Variants in PLEC observed in about 807,000 individuals in gnomAD.
PLEC encodes plectin, also known as hemidesmosomal protein 1.
A neutral mutation model predicts 392.8 loss-of-function variants in PLEC; 216 were observed. The ratio of observed to expected loss-of-function variants is 0.55; its 90% CI spans 0.49 to 0.62. PLEC has a LOEUF of 0.62. Ranked by LOEUF, PLEC falls within the 20% of genes least tolerant of loss-of-function variation. The pLI is 0.00. For synonymous variants in PLEC, 3,621 were observed against 2,980.6 expected, an observed-to-expected ratio of 1.21 and a Z score of -7.00; for missense variants, 6,863 against 6,563.4, an observed-to-expected ratio of 1.05 and a Z score of -1.58.
At chr8:143,926,381 T>G (rs1407035446) in intron 30 of PLEC, among the ~76,000 whole-genome samples, 3 of 151,790 alleles carry the variant, frequency 2.0e-5, no homozygotes, top group Non-Finnish European at 4.4e-5. Flanking sequence ...ACGCAGAAGG[T>G]AGGGAGAAGC....
intron 1 of PLEC, chr8:143,945,278 C>T (rs1554731571): frequency 2.1e-6 from 1 of 473,114 alleles, no homozygotes; most frequent in Non-Finnish European, 4.3e-6. Flanking sequence ...CACAGCCTCT[C>T]CTGGGGTCCC....
rs201404741 is a variant in PLEC at position 143,927,955 on chromosome 8, C to G, written c.3298G>C (p.Gly1100Arg). The change falls in exon 26 of 32, where the codon GGG (glycine) becomes CGG (arginine). Residue 1100 changes from glycine (G) to arginine (R), a missense_variant. Physicochemically the swap from Gly to Arg is moderately radical, Grantham distance 125. Coordinates refer to ENST00000345136, the MANE Select transcript of PLEC (RefSeq NM_201384.3). ...TGGGCCCTGAGCACCTCCTCGGCCC[C>G]CTGCGTGCCGCGGATCACCAGGCTG... ...TISLVIRGTQ[G>R]AEEVLRAHEE... 82 of 1,601,686 alleles carry G rather than the reference C, an allele frequency of 5.1e-5. No individual in the cohort carries two copies. In the African/African-American group the frequency reaches 6.8e-4, roughly 13 times the overall value.
chr8:143,924,055 C>A lies in PLEC; in HGVS notation c.5874G>T (p.Thr1958=). 6.3e-7 allele frequency: 1 copy of A among 1,596,912 alleles called. No individual in the cohort carries two copies. Among genetic ancestry groups the A allele is most frequent in the Non-Finnish European group, 8.5e-7 (1 of 1,178,674 alleles). The change falls in exon 31 of 32, where the codon ACG becomes ACT. Residue 1958 remains threonine, a synonymous_variant. Coordinates refer to ENST00000345136, the MANE Select transcript of PLEC (RefSeq NM_201384.3). Reference sequence around the variant, plus strand: ...GCTCGGCCTGCTCCTTGCTGCGCAGCGTGTCCTCCGCGTTGCTGCGGATGC... The same window carrying A: ...GCTCGGCCTGCTCCTTGCTGCGCAGAGTGTCCTCCGCGTTGCTGCGGATGC... ...LGRIRSNAED[T]LRSKEQAELE... is the part of the protein sequence containing the mutation.
In PLEC at chr8:143,934,637, C is replaced by T. The variant is rs1554721079; in HGVS notation, c.1039G>A (p.Glu347Lys). Residue 347 changes from glutamate (E) to lysine (K), a missense_variant and splice_region_variant, in exon 10 of 32, where the codon GAG becomes AAG. Physicochemically the swap from Glu to Lys is moderately conservative, Grantham distance 56. Transcript: ENST00000345136. Reference sequence around the variant, plus strand: ...ACCCCTCCAGCGGTCCCACTCACCTCCAGGGATTGGTAGATGCCCTTGGAC... The same window carrying T: ...ACCCCTCCAGCGGTCCCACTCACCTTCAGGGATTGGTAGATGCCCTTGGAC... ...NRSKGIYQSL[E>K]GAVQAGQLKV... The T allele has an allele frequency of 1.2e-6, 2 of 1,613,046 alleles. No homozygotes were observed. The highest frequency in any genetic ancestry group is 1.7e-6 in the Non-Finnish European group (2 of 1,179,794).
chr8:143,936,061 C>T lies in PLEC; in HGVS notation c.436-47G>A, dbSNP rs6981131. The T allele has an allele frequency of 2.5e-6, 4 of 1,601,548 alleles. No homozygotes were observed. In the South Asian group the frequency reaches 4.4e-5, roughly 18 times the overall value. ...CCACAGCTCAGCCACAGCCACCAGG[C>T]CTGCTCTGTGCCCACAGCCACATGC... is the stretch of plus-strand genomic sequence containing the variant. On this transcript the variant is annotated intron_variant, in intron 5 of 31. Coordinates refer to ENST00000345136, the MANE Select transcript of PLEC (RefSeq NM_201384.3).
rs782690046 is a variant in PLEC at position 143,921,666 on chromosome 8, GC to G, written c.8154del (p.Arg2718SerfsTer4). 1 of 1,613,184 alleles carries G rather than the reference GC, an allele frequency of 6.2e-7. No homozygotes were observed. The highest frequency in any genetic ancestry group is 8.5e-7 in the Non-Finnish European group (1 of 1,179,934). On this transcript the variant is annotated frameshift_variant, in exon 32 of 32. Coordinates refer to ENST00000345136, the MANE Select transcript of PLEC (RefSeq NM_201384.3). LOFTEE classifies it low-confidence loss of function (END_TRUNC). ...EKLSVYAALQ[R>X]QLLSPGTALI... ...AGGGCCGTGCCGGGACTCAGCAGCT[GC>G]CTCTGCAGGGCGGCGTAAACACTCA...
chr8:143,939,748 G>C (rs558075071), upstream of PLEC, among the ~76,000 whole-genome samples: 1 of 152,172 alleles, frequency 6.6e-6, no homozygotes, highest in South Asian at 2.1e-4. Flanking sequence ...CCCTCGGCCC[G>C]CCAGAAACAG....
rs558896444 is a variant in PLEC at position 143,967,327 on chromosome 8, C to A, written c.70+6076G>T. 3.5e-4 allele frequency among the ~76,000 whole-genome samples: 43 copies of A among 122,058 alleles called. No homozygotes were observed. In the Admixed American group the frequency reaches 3.8e-3, roughly 11 times the overall value. 80.1% of individuals were successfully genotyped at this position (122,058 alleles called of 152,430 possible). ...GCAGTGAGCCGAGATCGCGCCACTG[C>A]ATTCCAGCCTGGGCAACAGAGCGAG... On this transcript the variant is annotated intron_variant, in intron 1 of 31. Coordinates refer to the PLEC transcript ENST00000356346.
In PLEC at chr8:143,923,200, G is replaced by A. The variant is rs368880818; in HGVS notation, c.6729C>T (p.Leu2243=). The A allele has an allele frequency of 8.9e-5, 142 of 1,602,670 alleles. No individual in the cohort carries two copies. Among genetic ancestry groups the A allele is most frequent in the Middle Eastern group, 8.2e-4 (5 of 6,084 alleles). ...GGTTCTCAGCCTCGATGCGTGCCTT[G>A]AGCTTGCTCAGCTCCTCCATCTGCA... ...VRVQMEELSK[L]KARIEAENRA... The change falls in exon 31 of 32, where the codon CTC becomes CTT. Residue 2243 remains leucine (L), a synonymous_variant. Coordinates refer to ENST00000345136, the MANE Select transcript of PLEC (RefSeq NM_201384.3).
rs898634177 is a variant in PLEC at position 143,931,613 on chromosome 8, T to G, written c.2225A>C (p.Gln742Pro). The G allele has an allele frequency of 3.0e-5, 48 of 1,600,650 alleles. No individual in the cohort carries two copies. The highest frequency in any genetic ancestry group is 3.9e-5 in the Non-Finnish European group (46 of 1,174,286). Residue 742 changes from glutamine to proline, a missense_variant, in exon 19 of 32, where the codon CAG (glutamine) becomes CCG (proline). Coordinates refer to ENST00000345136, the MANE Select transcript of PLEC (RefSeq NM_201384.3). The stretch of plus-strand genomic sequence containing the variant: ...ACTGTATTTCCTACGCAGTGCCTCC[T>G]GCAGCTTCTGCAACTGCCCCTCGGC... The part of the protein sequence containing the change: ...REAEGQLQKL[Q>P]EALRRKYSCD...
At position 143,930,291 on chromosome 8, in the gene PLEC, A is replaced by G; in HGVS notation, c.2465T>C (p.Val822Ala). Residue 822 changes from valine to alanine, a missense_variant, in exon 21 of 32, where the codon GTG becomes GCG. Physicochemically the swap from Val to Ala is moderately conservative, Grantham distance 64. Transcript: ENST00000345136. ...CAGCTGGCACTCGTCACCCTTGTGC[A>G]CAGTCACCTGGGACGGGCAGAGTCG... ...VCDYKQVEVT[V>A]HKGDECQLVG... The G allele has an allele frequency of 6.2e-7, 1 of 1,602,926 alleles. No homozygotes were observed. The highest frequency in any genetic ancestry group is 8.5e-7 in the Non-Finnish European group (1 of 1,178,604).
rs908478191 is a variant in PLEC at position 143,921,393 on chromosome 8, T to C, written c.8428A>G (p.Ile2810Val). 1 of 1,613,392 alleles carries C rather than the reference T, an allele frequency of 6.2e-7. No homozygotes were observed. Among genetic ancestry groups the C allele is most frequent in the Non-Finnish European group, 8.5e-7 (1 of 1,179,800 alleles). ...EHGIRLLEAQIATGGVIDPVH... is the reference protein window; with the variant it reads ...EHGIRLLEAQVATGGVIDPVH... ...GGGTCGATAACGCCGCCCGTGGCGATCTGGGCCTCCAGCAGGCGGATGCCG... is the reference window on the plus strand; with the variant it reads ...GGGTCGATAACGCCGCCCGTGGCGACCTGGGCCTCCAGCAGGCGGATGCCG... The change falls in exon 32 of 32, where the codon ATC becomes GTC. Residue 2810 changes from isoleucine (I) to valine (V), a missense_variant. Physicochemically the swap from Ile to Val is conservative, Grantham distance 29. Coordinates refer to ENST00000345136, the MANE Select transcript of PLEC (RefSeq NM_201384.3).
At chr8:143,954,190 C>T (rs1832464085), upstream of PLEC, among the ~76,000 whole-genome samples, 1 of 152,134 alleles carries the variant, frequency 6.6e-6, no homozygotes, top group Non-Finnish European at 1.5e-5. This position sits in a 1 kb window ranked among gnomAD's most constrained non-coding sequence, Gnocchi z 4.6. Flanking sequence ...CCGCGCCCTG[C>T]AGGAGATACC....
intron 12 of PLEC, among the ~76,000 whole-genome samples, chr8:143,933,612 C>T (rs1828052848): frequency 6.6e-6 from 1 of 152,158 alleles, no homozygotes; most frequent in African/African-American, 2.4e-5. Flanking sequence ...TGGGCCTCAT[C>T]CTCCATCACC....
chr8:143,924,555 C>T lies in PLEC; in HGVS notation c.5374G>A (p.Glu1792Lys), dbSNP rs782362564. ...GCCAGCTCGCGGAACCGGCCGGCCT[C>T]GGCCTCCAGCCTCTGCTTGGACTTC... is the stretch of plus-strand genomic sequence containing the variant. ...SEKSKQRLEA[E>K]AGRFRELAEE... The change falls in exon 31 of 32, where the codon GAG (glutamate) becomes AAG (lysine). Residue 1792 changes from glutamate (E) to lysine (K), a missense_variant. Glu to Lys is a moderately conservative substitution (Grantham distance 56, BLOSUM62 1). Coordinates refer to ENST00000345136, the MANE Select transcript of PLEC (RefSeq NM_201384.3). 7.8e-6 allele frequency: 12 copies of T among 1,544,650 alleles called. No individual in the cohort carries two copies. The highest frequency in any genetic ancestry group is 2.7e-5 in the African/African-American group (2 of 72,894).
upstream of PLEC, chr8:143,944,596 T>C: frequency 8.8e-7 from 1 of 1,138,312 alleles, no homozygotes; most frequent in Non-Finnish European, 1.2e-6. Flanking sequence ...CTGGCCCCTG[T>C]CCCCAGCAAG....
chr8:143,933,464 C>G, intron 12 of PLEC, 113 bp from the exon 13 acceptor site: 1 of 1,271,812 alleles, frequency 7.9e-7, no homozygotes, highest in Admixed American at 1.7e-5. Context: ...GGGCCACTGC[C>G]TCCATCCCTG....
upstream of PLEC, among the ~76,000 whole-genome samples, chr8:143,957,740 C>G (rs1832668841): frequency 6.6e-6 from 1 of 152,198 alleles, no homozygotes; most frequent in Non-Finnish European, 1.5e-5. Context: ...GGGCCCTCCC[C>G]TGAGGCCCTG....
chr8:143,916,742 T>C lies in PLEC; in HGVS notation c.13079A>G (p.Glu4360Gly). 3.1e-6 allele frequency: 5 copies of C among 1,613,122 alleles called. No individual in the cohort carries two copies. Among genetic ancestry groups the C allele is most frequent in the Non-Finnish European group, 4.2e-6 (5 of 1,179,944 alleles). ...CATCTTGGTCTTGGTGCGTGGGTCC[T>C]CGAAGCCGCAGAAGGCCTTCTGGGC... Reference protein sequence around the residue: ...NLAQKAFCGFEDPRTKTKMSA... With the variant: ...NLAQKAFCGFGDPRTKTKMSA... The change falls in exon 32 of 32, where the codon GAG becomes GGG. Residue 4360 changes from glutamate (E) to glycine (G), a missense_variant. Physicochemically the swap from Glu to Gly is moderately conservative, Grantham distance 98 (BLOSUM62 -2). Coordinates refer to ENST00000345136, the MANE Select transcript of PLEC (RefSeq NM_201384.3).
Sources: gnomAD v4.1 joint callset for allele counts (sites outside exome capture counted in the v4.1 genomes callset) on GRCh38, gnomAD v4.1.1 for gene constraint, Gnocchi (gnomAD v3.1) non-coding constraint, MANE v1.5 for transcripts, NCBI Gene and HGNC (gene_info 2026-07-23, HGNC 2026-07-21) for gene names.